AIM2: variants seen among roughly 807,000 people sequenced by gnomAD.
AIM2 encodes the protein absent in melanoma 2.
A neutral mutation model predicts 27.7 loss-of-function variants in AIM2; 30 were observed. The observed-to-expected ratio is 1.08, with a 90% confidence interval of 0.81 to 1.47. AIM2 has a LOEUF of 1.47. Among genes scored for constraint, AIM2 ranks in the 40% most tolerant of loss-of-function variants. AIM2 has a pLI of 0.00. For synonymous variants in AIM2, 141 were observed against 145.3 expected (o/e 0.97, Z 0.21); for missense variants, 358 against 411.3 (o/e 0.87, Z 1.12).
At chr1:159,142,804 T>C (rs562551864), upstream of AIM2, among the ~76,000 whole-genome samples, 1 of 152,220 alleles carries the variant, frequency 6.6e-6, no homozygotes, top group Non-Finnish European at 1.5e-5. Flanking sequence ...ATCCAAATCC[T>C]TCTTACCTCA....
upstream of AIM2, among the ~76,000 whole-genome samples, chr1:159,078,384 G>A (rs1376766345): frequency 6.6e-6 from 1 of 152,126 alleles, no homozygotes; most frequent in Admixed American, 6.5e-5. Context: ...ATGAATGAGT[G>A]GATCACACAA....
intron 1 of AIM2, among the ~76,000 whole-genome samples, chr1:159,114,910 A>G (rs1647293593): frequency 6.6e-6 from 1 of 152,202 alleles, no homozygotes; most frequent in Admixed American, 6.5e-5. Context: ...TTTGCAGATG[A>G]CATGATTGTA....
intron 1 of AIM2, among the ~76,000 whole-genome samples, chr1:159,127,782 C>T (rs1368860555): frequency 6.6e-6 from 1 of 152,162 alleles, no homozygotes; most frequent in Non-Finnish European, 1.5e-5. Context: ...CTTCCCAAGG[C>T]TGGATTTCTC....
At chr1:159,064,563 T>A (rs1053906252) in intron 4 of AIM2, among the ~76,000 whole-genome samples, 4 of 152,220 alleles carry the variant, frequency 2.6e-5, no homozygotes, top group Non-Finnish European at 5.9e-5. Flanking sequence ...CGCCCTGGGT[T>A]CAAGCGATTC....
intron 1 of AIM2, among the ~76,000 whole-genome samples, chr1:159,121,798 T>C (rs1199511686): frequency 6.6e-6 from 1 of 152,198 alleles, no homozygotes; most frequent in Admixed American, 6.5e-5. Flanking sequence ...TGGCTCTCAA[T>C]TTAAAATCAT....
At position 159,065,927 on chromosome 1, in the gene AIM2, A is replaced by G. The variant is rs780690100; in HGVS notation, c.799T>C (p.Leu267=). The change falls in exon 4 of 6, where the codon TTG becomes CTG. Residue 267 remains leucine (L), a synonymous_variant. Coordinates refer to ENST00000368130, the MANE Select transcript of AIM2 (RefSeq NM_004833.3). ...TQPLGTIVNG[L]FVVQKVTEKK... ...AAACTTACCTTCTGGACTACAAACA[A>G]ACCATTCACAATTGTTCCAAGGGGC... 1.2e-6 allele frequency: 2 copies of G among 1,608,072 alleles called. No homozygotes were observed. Among genetic ancestry groups the G allele is most frequent in the South Asian group, 2.2e-5 (2 of 90,030 alleles).
intron 2 of AIM2, among the ~76,000 whole-genome samples, chr1:159,070,632 G>C (rs1434403259): frequency 6.6e-6 from 1 of 152,226 alleles, no homozygotes; most frequent in African/African-American, 2.4e-5. Flanking sequence ...TTACTAAAAA[G>C]AGAAACGATT....
At chr1:159,111,102 C>T (rs1657563896) in intron 1 of AIM2, among the ~76,000 whole-genome samples, 1 of 152,104 alleles carries the variant, frequency 6.6e-6, no homozygotes, top group Non-Finnish European at 1.5e-5. Flanking sequence ...CTTCATTAGA[C>T]AAAACCACCC....
At chr1:159,097,702 G>C (rs141198176) in intron 1 of AIM2, among the ~76,000 whole-genome samples, 40 of 152,218 alleles carry the variant, frequency 2.6e-4, no homozygotes, top group African/African-American at 9.1e-4. Flanking sequence ...GATAATAGTA[G>C]TACCTATTTA....
chr1:159,063,981 TTAA>T (rs1655968681), intron 4 of AIM2, among the ~76,000 whole-genome samples: 1 of 152,354 alleles, frequency 6.6e-6, no homozygotes, highest in African/African-American at 2.4e-5. Flanking sequence ...TATAATTTTA[TTAA>T]TAACATTTTT....
intron 3 of AIM2, 76 bp downstream of exon 3, chr1:159,068,492 A>C: frequency 6.0e-6 from 9 of 1,507,420 alleles, no homozygotes; most frequent in Non-Finnish European, 7.1e-6. Flanking sequence ...GATAAAGAAC[A>C]GAGAACAATA....
At chr1:159,077,043 A>G (rs1055627870), upstream of AIM2, 2 of 152,282 alleles carry the variant, frequency 1.3e-5, no homozygotes, top group African/African-American at 4.8e-5. Context: ...TTTTTCTGGT[A>G]TAAACAAGCA....
chr1:159,072,961 G>A (rs1656426662), intron 2 of AIM2, among the ~76,000 whole-genome samples: 1 of 152,192 alleles, frequency 6.6e-6, no homozygotes, highest in Non-Finnish European at 1.5e-5. Context: ...CTGAACTGGA[G>A]ACAAAGATGG....
At chr1:159,114,478 T>C (rs1173385634) in intron 1 of AIM2, among the ~76,000 whole-genome samples, 1 of 152,152 alleles carries the variant, frequency 6.6e-6, no homozygotes, top group Non-Finnish European at 1.5e-5. Flanking sequence ...CCCAACACTT[T>C]GGGAGGCCAA....
chr1:159,109,311 G>A (rs1657517423), intron 1 of AIM2, among the ~76,000 whole-genome samples: 1 of 152,114 alleles, frequency 6.6e-6, no homozygotes, highest in African/African-American at 2.4e-5. Flanking sequence ...AGTGGGGAAA[G>A]GACACCCTAT....
chr1:159,073,250 C>G lies in AIM2; in HGVS notation c.250G>C (p.Glu84Gln). Residue 84 changes from glutamate to glutamine, a missense_variant, in exon 2 of 6, where the codon GAG becomes CAG. By Grantham distance (29) the Glu-to-Gln change is conservative. Transcript: ENST00000368130. ...YMLLAKRLQE[E>Q]KEKVDKQYKS... is the part of the protein sequence containing the mutation. Reference sequence around the variant, plus strand: ...ACTCCCACATTACCTTTCTCCTTCTCCTCCTGAAGACGTTTTGCCAAAAGC... The same window carrying G: ...ACTCCCACATTACCTTTCTCCTTCTGCTCCTGAAGACGTTTTGCCAAAAGC... 6.2e-7 allele frequency: 1 copy of G among 1,614,108 alleles called. No individual in the cohort carries two copies. The highest frequency in any genetic ancestry group is 1.6e-4 in the Middle Eastern group (1 of 6,062).
intron 1 of AIM2, among the ~76,000 whole-genome samples, chr1:159,100,037 A>G (rs1373058905): frequency 6.6e-6 from 1 of 152,220 alleles, no homozygotes; most frequent in Non-Finnish European, 1.5e-5. Flanking sequence ...GAACCCTGAC[A>G]CCATGCCCAC....
chr1:159,087,978 T>A (rs990460664), intron 1 of AIM2, among the ~76,000 whole-genome samples: 5 of 152,276 alleles, frequency 3.3e-5, no homozygotes, highest in African/African-American at 1.2e-4. Flanking sequence ...AATTAAAAAT[T>A]TTTCAGTTTA....
chr1:159,072,688 T>C (rs779785186), intron 2 of AIM2, among the ~76,000 whole-genome samples: 2 of 152,210 alleles, frequency 1.3e-5, no homozygotes, highest in African/African-American at 2.4e-5. Context: ...AGAAAATCCC[T>C]GAAGGTGGAT....
Sources: gnomAD v4.1 joint callset for allele counts (sites outside exome capture counted in the v4.1 genomes callset) on GRCh38, gnomAD v4.1.1 for gene constraint, MANE v1.5 for transcripts, NCBI Gene and HGNC (gene_info 2026-07-23, HGNC 2026-07-21) for gene names.